FUT9: variants seen among roughly 807,000 people sequenced by gnomAD.
FUT9 encodes 4-galactosyl-N-acetylglucosaminide 3-alpha-L-fucosyltransferase 9.
A neutral mutation model predicts 29.7 loss-of-function variants in FUT9; 15 were observed. That is an observed-to-expected ratio of 0.51 (90% CI 0.34 to 0.78). The LOEUF (loss-of-function observed/expected upper bound fraction) is 0.78. FUT9 is among the 30% of genes least tolerant of loss of function. The pLI is 0.01. For missense variants in FUT9, 319 were observed against 425.4 expected (o/e 0.75, Z 2.20); for synonymous variants, 169 against 153.7 (o/e 1.10, Z -0.74).
At chr6:96,143,449 A>G (rs1344773888) in intron 2 of FUT9, among the ~76,000 whole-genome samples, 1 of 152,178 alleles carries the variant, frequency 6.6e-6, no homozygotes, top group Non-Finnish European at 1.5e-5. Context: ...CAGATAGTTC[A>G]TATGGTTCCT....
rs183646277 is a variant in FUT9, at chr6:96,029,581, C to T, written c.-98+13369C>T. Among the ~76,000 whole-genome samples the T allele has an allele frequency of 2.0e-5, 3 of 151,728 alleles. No individual in the cohort carries two copies. The East Asian group carries it at 5.8e-4, about 29-fold the overall frequency. ...GAATGGCTTCAGAATAGCAAAAGTA[C>T]ACTCTGTTTCTAGGTATAAATGATT... On this transcript the variant is annotated intron_variant, in intron 1 of 2. Transcript: ENST00000302103.
intron 1 of FUT9, among the ~76,000 whole-genome samples, chr6:96,046,892 C>T (rs1231053998): frequency 6.6e-6 from 1 of 152,138 alleles, no homozygotes. Flanking sequence ...AAAAAATTAT[C>T]AGAGTGACAG....
rs543363004 is a variant in FUT9, at chr6:96,209,286, C to T, written c.*5051C>T. The stretch of plus-strand genomic sequence containing the variant: ...TTCCATACAGATTTCCTTCTCATTT[C>T]TCTGTGTAGATATTTAAAGTATGAA... On this transcript the variant is annotated 3_prime_UTR_variant, in exon 3 of 3. Transcript: ENST00000302103. 32 of 166,666 alleles carry T rather than the reference C, an allele frequency of 1.9e-4. No individual in the cohort carries two copies. The South Asian group carries it at 6.4e-3, about 33-fold the overall frequency. The allele number at this position is 166,666 out of a possible 1,614,324, so 10.3% of individuals were successfully genotyped here. A position where few individuals can be genotyped will look rare whatever the true frequency, so the allele number is the denominator to read the frequency against.
chr6:96,072,673 C>CT (rs370778924), intron 1 of FUT9, among the ~76,000 whole-genome samples: 1 of 152,014 alleles, frequency 6.6e-6, no homozygotes, highest in African/African-American at 2.4e-5. Context: ...AAAAAGGCAA[C>CT]TTTTTTTTCT....
At chr6:96,072,164 A>G (rs9390819) in intron 1 of FUT9, among the ~76,000 whole-genome samples, 4,328 of 152,250 alleles carry the variant, frequency 0.028, 72 homozygotes, top group East Asian at 0.079. Flanking sequence ...AGAGATGTTA[A>G]TTAACTTGCT....
chr6:96,095,856 T>C (rs541606538), intron 1 of FUT9, among the ~76,000 whole-genome samples: 1 of 152,266 alleles, frequency 6.6e-6, no homozygotes, highest in South Asian at 2.1e-4. Context: ...TACCTTTCTA[T>C]GTCTACCTCT....
At chr6:96,110,188 C>T (rs1004809064) in intron 1 of FUT9, among the ~76,000 whole-genome samples, 6 of 152,156 alleles carry the variant, frequency 3.9e-5, no homozygotes, top group Non-Finnish European at 8.8e-5. Flanking sequence ...TTCTAATGGC[C>T]TTGCTAATTC....
rs760375955 is a variant in FUT9, at chr6:96,208,329, GTGTT to G, written c.*4097_*4100del. The G allele has an allele frequency of 1.8e-5, 3 of 166,314 alleles. No individual in the cohort carries two copies. Among genetic ancestry groups the G allele is most frequent in the Non-Finnish European group, 4.4e-5 (3 of 67,904 alleles). 10.3% of individuals were successfully genotyped at this position (166,314 alleles called of 1,614,324 possible). On this transcript the variant is annotated 3_prime_UTR_variant, in exon 3 of 3. Transcript: ENST00000302103. Reference sequence around the variant, plus strand: ...AATTTCAGGTCCTTACCTTATGACTGTGTTTGATCATATCTTTGAGTTCCCTTGA... The same window carrying G: ...AATTTCAGGTCCTTACCTTATGACTGTGATCATATCTTTGAGTTCCCTTGA...
At chr6:96,152,325 G>T (rs970392418) in intron 2 of FUT9, among the ~76,000 whole-genome samples, 2 of 152,096 alleles carry the variant, frequency 1.3e-5, no homozygotes, top group South Asian at 2.1e-4. Flanking sequence ...ATTTATATGT[G>T]GATATCGCTC....
chr6:96,075,262 A>G (rs970578236), intron 1 of FUT9, among the ~76,000 whole-genome samples: 2 of 152,176 alleles, frequency 1.3e-5, no homozygotes, highest in African/African-American at 4.8e-5. Context: ...AACTAATAAT[A>G]GTGAAGACTT....
At chr6:96,181,999 C>A (rs183666616) in intron 2 of FUT9, among the ~76,000 whole-genome samples, 447 of 152,200 alleles carry the variant, frequency 2.9e-3, no homozygotes, top group Middle Eastern at 0.01. Context: ...TAAGGAATCT[C>A]CACACTGTTT....
intron 1 of FUT9, among the ~76,000 whole-genome samples, chr6:96,043,137 C>A (rs6901602): frequency 1.3e-5 from 2 of 152,136 alleles, no homozygotes; most frequent in South Asian, 4.1e-4. Context: ...CTGCAAGCTC[C>A]GCCTCCCGGG....
At chr6:96,186,571 G>T (rs973016631) in intron 2 of FUT9, among the ~76,000 whole-genome samples, 1 of 152,090 alleles carries the variant, frequency 6.6e-6, no homozygotes, top group African/African-American at 2.4e-5. Context: ...ACATATAAAA[G>T]AAATTTATCT....
chr6:96,106,110 C>A (rs1472791720), intron 1 of FUT9, among the ~76,000 whole-genome samples: 1 of 151,674 alleles, frequency 6.6e-6, no homozygotes, highest in Non-Finnish European at 1.5e-5. Flanking sequence ...CTTACTACCC[C>A]TAGAGTTCTG....
chr6:96,106,772 G>A (rs1055965634), intron 1 of FUT9, among the ~76,000 whole-genome samples: 5 of 152,106 alleles, frequency 3.3e-5, no homozygotes, highest in African/African-American at 9.7e-5. Flanking sequence ...ATCATTCATC[G>A]GTTTAATTAT....
In FUT9 at chr6:96,213,256, C is replaced by T. The variant is rs1037962928; in HGVS notation, c.*9021C>T. The T allele has an allele frequency of 6.0e-6, 1 of 166,856 alleles. No homozygotes were observed. The highest frequency in any genetic ancestry group is 1.5e-5 in the Non-Finnish European group (1 of 68,010). 10.3% of individuals were successfully genotyped at this position (166,856 alleles called of 1,614,324 possible). A position where few individuals can be genotyped will look rare whatever the true frequency, so the allele number is the denominator to read the frequency against. On this transcript the variant is annotated 3_prime_UTR_variant, in exon 3 of 3. Coordinates refer to ENST00000302103, the MANE Select transcript of FUT9 (RefSeq NM_006581.4). The stretch of plus-strand genomic sequence containing the variant: ...GAAGAGTTAGGACTTTACATGATTT[C>T]TCTTGCCTCATTCCCTCAAGAATGC...
At chr6:96,155,725 G>A (rs1772771504) in intron 2 of FUT9, among the ~76,000 whole-genome samples, 1 of 151,840 alleles carries the variant, frequency 6.6e-6, no homozygotes, top group Non-Finnish European at 1.5e-5. Context: ...AAAAGCAAGA[G>A]CTACCAGAGG....
intron 1 of FUT9, among the ~76,000 whole-genome samples, chr6:96,041,706 G>A (rs145487685): frequency 1.1e-3 from 168 of 152,198 alleles, no homozygotes; most frequent in Non-Finnish European, 2.1e-3. Context: ...TGATCTAAGT[G>A]TTTTTATTTT....
chr6:96,055,484 T>C (rs1327503683), intron 1 of FUT9, among the ~76,000 whole-genome samples: 3 of 151,894 alleles, frequency 2.0e-5, no homozygotes. Flanking sequence ...ATGCAATATC[T>C]GCTTTGGTAA....
Sources: gnomAD v4.1 joint callset for allele counts (sites outside exome capture counted in the v4.1 genomes callset) on GRCh38, gnomAD v4.1.1 for gene constraint, MANE v1.5 for transcripts, NCBI Gene and HGNC (gene_info 2026-07-23, HGNC 2026-07-21) for gene names.